Variants in LAMB1 observed in about 807,000 individuals in gnomAD.
The protein encoded by LAMB1 is laminin subunit beta-1.
In LAMB1, 121 loss-of-function variants were observed where a neutral mutation model predicts 222.3. The observed-to-expected ratio is 0.54, with a 90% CI of 0.47 to 0.63. The LOEUF is 0.63. Among genes scored for constraint, LAMB1 ranks in the 30% least tolerant of loss-of-function variants. LAMB1 has a pLI of 0.00. For synonymous variants in LAMB1, 794 were observed against 807.2 expected (o/e 0.98, Z 0.28); for missense variants, 2,172 against 2,240.8 (o/e 0.97, Z 0.62).
rs2034226032 is a variant in LAMB1 at position 107,993,542 on chromosome 7, T to C, written c.423+1345A>G. Among the ~76,000 whole-genome samples the C allele has an allele frequency of 4.6e-5, 7 of 152,204 alleles. No individual in the cohort carries two copies. In the South Asian group the frequency reaches 1.4e-3, roughly 31 times the overall value. On this transcript the variant is annotated intron_variant, in intron 5 of 33. Coordinates refer to ENST00000222399, the MANE Select transcript of LAMB1 (RefSeq NM_002291.3). ...CTCCCACTGTATTCACCTGAATGAG[T>C]ATTCAACTACAAAACATGTGCCTAA...
intron 13 of LAMB1, among the ~76,000 whole-genome samples, chr7:107,969,751 A>G (rs921492391): frequency 3.9e-5 from 6 of 152,232 alleles, no homozygotes; most frequent in South Asian, 4.1e-4. Flanking sequence ...ATATTACTGT[A>G]TTGAATACCA....
At chr7:107,961,870 T>C (rs998685467) in intron 15 of LAMB1, among the ~76,000 whole-genome samples, 194 bp from the exon 16 acceptor site, 8 of 152,170 alleles carry the variant, frequency 5.3e-5, no homozygotes, top group Non-Finnish European at 1.0e-4. Flanking sequence ...CTGAAACACC[T>C]CTCAACTGTT....
intron 24 of LAMB1, among the ~76,000 whole-genome samples, chr7:107,947,295 A>T (rs1460970548): frequency 6.6e-6 from 1 of 152,254 alleles, no homozygotes; most frequent in Non-Finnish European, 1.5e-5. Context: ...AAATCTTTCT[A>T]TAAGCATATT....
intron 4 of LAMB1, among the ~76,000 whole-genome samples, chr7:107,997,352 C>T (rs2237707): frequency 2.6e-5 from 4 of 151,956 alleles, no homozygotes; most frequent in Non-Finnish European, 5.9e-5. Context: ...GAACCCAGGA[C>T]GTGGAGGTTG....
intron 5 of LAMB1, among the ~76,000 whole-genome samples, chr7:107,987,874 G>A (rs2150447706): frequency 6.6e-6 from 1 of 152,304 alleles, no homozygotes; most frequent in African/African-American, 2.4e-5. Context: ...TGGCAGAAGA[G>A]GTTGGTCGGG....
chr7:107,923,818 C>T lies in LAMB1; in HGVS notation c.*133G>A. 1 of 824,164 alleles carries T rather than the reference C, an allele frequency of 1.2e-6. No homozygotes were observed. Among genetic ancestry groups the T allele is most frequent in the Non-Finnish European group, 1.8e-6 (1 of 543,590 alleles). 51.1% of individuals were successfully genotyped at this position (824,164 alleles called of 1,614,324 possible). A position where few individuals can be genotyped will look rare whatever the true frequency, so the allele number is the denominator to read the frequency against. ...CCAAAATATATACAAAAGCACTGTA[C>T]TTTATTTAACTCCATACAAAATGTG... On this transcript the variant is annotated 3_prime_UTR_variant, in exon 34 of 34. Coordinates refer to ENST00000222399, the MANE Select transcript of LAMB1 (RefSeq NM_002291.3).
Position 107,964,518 on chromosome 7 carries a change from G to C in LAMB1, c.1698+34C>G, listed in dbSNP as rs777419258. 1.2e-5 allele frequency: 19 copies of C among 1,613,336 alleles called. No homozygotes were observed. In the Admixed American group the frequency reaches 2.0e-4, roughly 17 times the overall value. ...ATGTTCCACTACACCCCAAAACACT[G>C]CTTTACCGACCTGCCACACACTCCC... On this transcript the variant is annotated intron_variant, in intron 14 of 33. Transcript: ENST00000222399.
At chr7:107,990,738 G>A (rs930679938) in intron 5 of LAMB1, among the ~76,000 whole-genome samples, 2 of 152,148 alleles carry the variant, frequency 1.3e-5, no homozygotes, top group Non-Finnish European at 2.9e-5. Context: ...TAGAAAACAG[G>A]GGCACCTCAT....
chr7:107,966,339 T>C (rs1467677836), intron 13 of LAMB1, among the ~76,000 whole-genome samples: 1 of 151,950 alleles, frequency 6.6e-6, no homozygotes, highest in East Asian at 1.9e-4. Context: ...GCCTCCTGAG[T>C]AGCTGGGACT....
intron 31 of LAMB1, among the ~76,000 whole-genome samples, chr7:107,927,045 T>C (rs1264747824): frequency 1.3e-5 from 2 of 152,178 alleles, no homozygotes; most frequent in Non-Finnish European, 2.9e-5. Flanking sequence ...GACAAAAGAA[T>C]CAATTTCACT....
At chr7:107,969,672 G>A (rs1260450798) in intron 13 of LAMB1, among the ~76,000 whole-genome samples, 1 of 152,144 alleles carries the variant, frequency 6.6e-6, no homozygotes, top group African/African-American at 2.4e-5. Context: ...AAACCTAGAT[G>A]GTATAGCTTA....
At chr7:108,000,329 T>C (rs568041482) in intron 3 of LAMB1, among the ~76,000 whole-genome samples, 4 of 152,348 alleles carry the variant, frequency 2.6e-5, no homozygotes, top group Non-Finnish European at 4.4e-5. Flanking sequence ...TTTGGTCTAA[T>C]TGATCAGGTC....
intron 21 of LAMB1, 23 bp downstream of exon 21, chr7:107,955,444 C>G: frequency 6.3e-7 from 1 of 1,589,084 alleles, no homozygotes; most frequent in Non-Finnish European, 8.6e-7. Context: ...CTCTTTGCCT[C>G]CCAAAGTATG....
intron 27 of LAMB1, chr7:107,932,598 A>G (rs971895885): frequency 1.5e-5 from 9 of 588,224 alleles, no homozygotes; most frequent in African/African-American, 7.5e-5. Context: ...ACAACTCATC[A>G]ATATCTTCTG....
rs111955403 is a variant in LAMB1 at position 107,974,357 on chromosome 7, GT to G, written c.1482+628del. On this transcript the variant is annotated intron_variant, in intron 12 of 33. Coordinates refer to ENST00000222399, the MANE Select transcript of LAMB1 (RefSeq NM_002291.3). ...AAGATACTATTCATATCCTGTGTGT[GT>G]TTTTTTTTTTAAATATAGCAAGCAG... Among the ~76,000 whole-genome samples, 1,049 of 144,782 alleles carry G rather than the reference GT, an allele frequency of 7.2e-3. 11 individuals are homozygous for G. Among genetic ancestry groups the G allele is most frequent in the African/African-American group, 0.018 (715 of 40,030 alleles). The allele number at this position is 144,782 out of a possible 152,430, so 95.0% of individuals were successfully genotyped here.
intron 25 of LAMB1, among the ~76,000 whole-genome samples, chr7:107,938,991 C>T (rs1012788977): frequency 6.6e-6 from 1 of 152,166 alleles, no homozygotes; most frequent in Middle Eastern, 3.2e-3. Context: ...CTTAAAGGTG[C>T]TGATTAAAGT....
At position 107,986,097 on chromosome 7, in the gene LAMB1, A is replaced by G. The variant is rs1563005348; in HGVS notation, c.613-12T>C. Reference sequence around the variant, plus strand: ...GCACGAAATATCACCTAAAAATGGAAACAAGAGTAATTGGTACTTCTGCAA... The same window carrying G: ...GCACGAAATATCACCTAAAAATGGAGACAAGAGTAATTGGTACTTCTGCAA... On this transcript the variant is annotated splice_polypyrimidine_tract_variant and intron_variant, in intron 6 of 33. Transcript: ENST00000222399. 6.2e-7 allele frequency: 1 copy of G among 1,612,340 alleles called. No individual in the cohort carries two copies. The highest frequency in any genetic ancestry group is 1.1e-5 in the South Asian group (1 of 91,032).
intron 9 of LAMB1, among the ~76,000 whole-genome samples, chr7:107,976,759 C>T (rs2237700): frequency 1.6e-4 from 25 of 152,218 alleles, no homozygotes; most frequent in African/African-American, 4.8e-4. Context: ...AACATCCTTG[C>T]GGCCTTGTGC....
At chr7:107,996,832 A>T (rs76776707) in intron 4 of LAMB1, among the ~76,000 whole-genome samples, 1,858 of 152,330 alleles carry the variant, frequency 0.012, 31 homozygotes, top group East Asian at 0.04. Flanking sequence ...ATGTTGAGGC[A>T]TCTTCTTCAA....
Sources: gnomAD v4.1 joint callset for allele counts (sites outside exome capture counted in the v4.1 genomes callset) on GRCh38, gnomAD v4.1.1 for gene constraint, MANE v1.5 for transcripts, NCBI Gene and HGNC (gene_info 2026-07-23, HGNC 2026-07-21) for gene names.